Variants in CCDC146 observed in about 807,000 individuals in gnomAD.
CCDC146 encodes coiled-coil domain-containing protein 146.
In CCDC146, 92 loss-of-function variants were observed where a neutral mutation model predicts 119.3. That is an observed-to-expected ratio of 0.77 (90% confidence interval 0.65 to 0.92). CCDC146 has a LOEUF of 0.92. CCDC146 is among the 40% of genes least tolerant of loss of function. CCDC146 has a pLI of 0.00. For missense variants in CCDC146, 1,000 were observed against 1,103.0 expected, an observed-to-expected ratio of 0.91 and a Z score of 1.32; for synonymous variants, 372 against 371.8, an observed-to-expected ratio of 1.00 and a Z score of -0.01.
chr7:77,192,945 T>TA (rs958388887), intron 2 of CCDC146, among the ~76,000 whole-genome samples: 42 of 150,106 alleles, frequency 2.8e-4, no homozygotes, highest in East Asian at 5.8e-4. Flanking sequence ...AATAAAATAA[T>TA]AAAAAAAAAG....
At chr7:77,168,712 A>G (rs1221643729) in intron 2 of CCDC146, among the ~76,000 whole-genome samples, 1 of 152,156 alleles carries the variant, frequency 6.6e-6, no homozygotes, top group African/African-American at 2.4e-5. Flanking sequence ...AATTTCAGAT[A>G]TTCAGGACAG....
chr7:77,201,042 C>T (rs1791977439), intron 2 of CCDC146, among the ~76,000 whole-genome samples: 2 of 152,132 alleles, frequency 1.3e-5, no homozygotes, highest in Non-Finnish European at 1.5e-5. Context: ...TAGCCAAATC[C>T]TATTCACATT....
chr7:77,132,751 T>C (rs1790803383), intron 1 of CCDC146, among the ~76,000 whole-genome samples: 4 of 150,556 alleles, frequency 2.7e-5, no homozygotes, highest in Admixed American at 2.6e-4. Flanking sequence ...AATAAGTAAA[T>C]AAACAAATAA....
At chr7:77,246,241 T>G (rs1003479173) in intron 4 of CCDC146, 22 of 152,240 alleles carry the variant, frequency 1.4e-4, no homozygotes, top group African/African-American at 4.6e-4. Flanking sequence ...ACGCCAACTT[T>G]GGAAATGCTC....
chr7:77,173,280 G>A (rs1394770288), intron 2 of CCDC146, among the ~76,000 whole-genome samples: 2 of 152,034 alleles, frequency 1.3e-5, no homozygotes, highest in Non-Finnish European at 2.9e-5. Context: ...ATCGCAATAA[G>A]ACCTAACAGG....
intron 15 of CCDC146, 48 bp from the exon 16 acceptor site, chr7:77,286,750 A>G: frequency 1.3e-6 from 2 of 1,590,560 alleles, no homozygotes; most frequent in Non-Finnish European, 1.7e-6. Context: ...TTTTCAGATT[A>G]ACTGAGCTAG....
chr7:77,184,863 G>C (rs1791639654), intron 2 of CCDC146, among the ~76,000 whole-genome samples: 1 of 152,066 alleles, frequency 6.6e-6, no homozygotes, highest in African/African-American at 2.4e-5. Context: ...TAATTGTTTT[G>C]ATAAAATACA....
chr7:77,294,447 A>T (rs1415730077), intron 18 of CCDC146, among the ~76,000 whole-genome samples: 1 of 145,636 alleles, frequency 6.9e-6, no homozygotes, highest in African/African-American at 2.6e-5. Context: ...AATACAGCCC[A>T]TGCCAATGAG....
rs560164705 is a variant in CCDC146 at position 77,183,380 on chromosome 7, T to C, written c.156+15556T>C. Among the ~76,000 whole-genome samples the C allele has an allele frequency of 2.6e-5, 4 of 151,322 alleles. No individual in the cohort carries two copies. The South Asian group carries it at 6.3e-4, about 24-fold the overall frequency. On this transcript the variant is annotated intron_variant, in intron 2 of 18. Transcript: ENST00000285871. The stretch of plus-strand genomic sequence containing the variant: ...GCAATTAATAGGTGGCAGAGGGAGA[T>C]TGTAGATACTTAACTTTGACTTTTT...
chr7:77,253,880 G>A (rs1434425558), intron 4 of CCDC146, among the ~76,000 whole-genome samples: 1 of 152,222 alleles, frequency 6.6e-6, no homozygotes, highest in East Asian at 1.9e-4. Flanking sequence ...ATCAGATAGG[G>A]CAAAGGCCCT....
Position 77,280,651 on chromosome 7 carries a change from A to G in CCDC146, c.1917A>G (p.Glu639=), listed in dbSNP as rs749629679. 3 of 1,607,290 alleles carry G rather than the reference A, an allele frequency of 1.9e-6. No individual in the cohort carries two copies. The highest frequency in any genetic ancestry group is 2.6e-6 in the Non-Finnish European group (3 of 1,176,456). Residue 639 remains glutamate (E), a splice_region_variant and synonymous_variant, in exon 14 of 19, where the codon GAA becomes GAG. Coordinates refer to ENST00000285871, the MANE Select transcript of CCDC146 (RefSeq NM_020879.3). ...AAAAAGCTGTTCAGCATCGAAATGA[A>G]AGGTAAAAACCAGGTGTGAGAACAG... ...RYEKAVQHRN[E]SGVQLIEREE...
intron 2 of CCDC146, among the ~76,000 whole-genome samples, chr7:77,207,451 T>TA (rs1792101312): frequency 6.6e-6 from 1 of 152,200 alleles, no homozygotes; most frequent in Non-Finnish European, 1.5e-5. Flanking sequence ...ATTATTTTGA[T>TA]AGTGTTTATT....
intron 2 of CCDC146, among the ~76,000 whole-genome samples, chr7:77,219,770 C>T (rs907048372): frequency 6.6e-6 from 1 of 152,126 alleles, no homozygotes; most frequent in African/African-American, 2.4e-5. Context: ...GGTGACATCA[C>T]ATGTCGGCAA....
intron 2 of CCDC146, among the ~76,000 whole-genome samples, chr7:77,211,406 A>T (rs1174484228): frequency 6.6e-6 from 1 of 151,932 alleles, no homozygotes. Context: ...GTATTTTTCT[A>T]TTGTATGTTT....
Position 77,293,066 on chromosome 7 carries a change from AAAG to A in CCDC146, c.2535_2537del (p.Glu845del), listed in dbSNP as rs750705759. The A allele has an allele frequency of 2.7e-5, 44 of 1,614,064 alleles. No homozygotes were observed. The highest frequency in any genetic ancestry group is 3.1e-5 in the Non-Finnish European group (37 of 1,180,012). ...TGAACTCCAAAAGGAAGTCAGGGAGAAAGAAGACTTCATCTTCACTTGCAATTC... is the reference window on the plus strand; with the variant it reads ...TGAACTCCAAAAGGAAGTCAGGGAGAAAGACTTCATCTTCACTTGCAATTC... On this transcript the variant is annotated inframe_deletion, in exon 18 of 19. Coordinates refer to ENST00000285871, the MANE Select transcript of CCDC146 (RefSeq NM_020879.3).
At chr7:77,149,980 C>T (rs995058272) in intron 1 of CCDC146, among the ~76,000 whole-genome samples, 5 of 150,126 alleles carry the variant, frequency 3.3e-5, no homozygotes, top group African/African-American at 1.2e-4. Context: ...CAACAAATGG[C>T]GGGAATAATT....
intron 2 of CCDC146, among the ~76,000 whole-genome samples, chr7:77,201,513 C>T (rs1166072709): frequency 6.6e-6 from 1 of 151,514 alleles, no homozygotes; most frequent in Non-Finnish European, 1.5e-5. Flanking sequence ...TAGATCGTAC[C>T]ACTGCACTCC....
rs569293264 is a variant in CCDC146 at position 77,234,635 on chromosome 7, T to G, written c.157-2312T>G. Among the ~76,000 whole-genome samples, 12 of 152,212 alleles carry G rather than the reference T, an allele frequency of 7.9e-5. No homozygotes were observed. The East Asian group carries it at 2.3e-3, about 29-fold the overall frequency. On this transcript the variant is annotated intron_variant, in intron 2 of 18. Coordinates refer to ENST00000285871, the MANE Select transcript of CCDC146 (RefSeq NM_020879.3). ...CTGTAGTCCCACCTAATTGGGAGGCTGAGGCAGGAGAATTGCTAGAACCCG... is the reference window on the plus strand; with the variant it reads ...CTGTAGTCCCACCTAATTGGGAGGCGGAGGCAGGAGAATTGCTAGAACCCG...
At chr7:77,201,778 A>T (rs190225750) in intron 2 of CCDC146, among the ~76,000 whole-genome samples, 91 of 152,322 alleles carry the variant, frequency 6.0e-4, no homozygotes, top group Middle Eastern at 6.8e-3. Context: ...TTTAGCTAAA[A>T]ATATCTATTT....
Sources: gnomAD v4.1 joint callset for allele counts (sites outside exome capture counted in the v4.1 genomes callset) on GRCh38, gnomAD v4.1.1 for gene constraint, MANE v1.5 for transcripts, NCBI Gene and HGNC (gene_info 2026-07-23, HGNC 2026-07-21) for gene names.